KCTD3: variants seen among roughly 807,000 people sequenced by gnomAD.
The protein encoded by KCTD3 is BTB/POZ domain-containing protein KCTD3.
Under a neutral mutation model 85.8 loss-of-function variants are expected in KCTD3, and 41 were observed. The ratio of observed to expected loss-of-function variants is 0.48; its 90% CI spans 0.37 to 0.62. KCTD3 has a LOEUF of 0.62. KCTD3 is among the 20% of genes least tolerant of loss of function. The probability of loss-of-function intolerance (pLI) is 0.00; values close to 1 mark genes in which losing one functional copy is unlikely to be tolerated. For synonymous variants in KCTD3, 338 were observed against 345.4 expected (o/e 0.98, Z 0.24); for missense variants, 724 against 989.9 (o/e 0.73, Z 3.60).
chr1:215,608,498 T>G (rs1415472835), intron 14 of KCTD3, among the ~76,000 whole-genome samples: 1 of 151,956 alleles, frequency 6.6e-6, no homozygotes, highest in Non-Finnish European at 1.5e-5. Context: ...ATTTGAAATT[T>G]TTTTTGTTAA....
intron 4 of KCTD3, among the ~76,000 whole-genome samples, chr1:215,577,441 A>G (rs1659629422): frequency 6.6e-6 from 1 of 152,068 alleles, no homozygotes; most frequent in Admixed American, 6.6e-5. Context: ...ATATATATGT[A>G]TATATATGAA....
intron 1 of KCTD3, among the ~76,000 whole-genome samples, chr1:215,569,020 C>G (rs2102548239): frequency 6.6e-6 from 1 of 152,096 alleles, no homozygotes; most frequent in South Asian, 2.1e-4. Flanking sequence ...AGGAGGCCTG[C>G]AATGTGTGTT....
intron 9 of KCTD3, among the ~76,000 whole-genome samples, chr1:215,588,559 C>T (rs1477863184): frequency 2.0e-5 from 3 of 152,056 alleles, no homozygotes; most frequent in South Asian, 4.2e-4. Flanking sequence ...TTTTACCAAA[C>T]GTTGCTTTGC....
intron 15 of KCTD3, among the ~76,000 whole-genome samples, chr1:215,615,541 A>G (rs888097180): frequency 1.3e-5 from 2 of 151,468 alleles, no homozygotes; most frequent in African/African-American, 2.4e-5. Flanking sequence ...AATGGCATGA[A>G]CCCGGGAGAT....
chr1:215,568,485 G>GCCCCCCCCCCCC (rs869089767), intron 1 of KCTD3, among the ~76,000 whole-genome samples: 1 of 2,798 alleles, frequency 3.6e-4, no homozygotes, highest in African/African-American at 1.1e-3. Context: ...CTGGCCTTCC[G>GCCCCCCCCCCCC]CCCCCCCCCC....
intron 10 of KCTD3, 122 bp downstream of exon 10, chr1:215,595,593 TGTA>T (rs1660390226): frequency 5.0e-6 from 3 of 603,628 alleles, no homozygotes; most frequent in Middle Eastern, 2.9e-4. Flanking sequence ...ATTGAATAAA[TGTA>T]GTGGTAAATT....
intron 15 of KCTD3, among the ~76,000 whole-genome samples, chr1:215,613,465 T>G (rs2102603389): frequency 6.6e-6 from 1 of 152,348 alleles, no homozygotes; most frequent in South Asian, 2.1e-4. Context: ...TTTACTCTGT[T>G]GATAGTTTCT....
At chr1:215,618,780 C>T in intron 15 of KCTD3, 106 bp from the exon 16 acceptor site, 1 of 819,356 alleles carries the variant, frequency 1.2e-6, no homozygotes, top group East Asian at 2.6e-5. Context: ...AAAGTCTTTT[C>T]TAGTATAACA....
intron 3 of KCTD3, among the ~76,000 whole-genome samples, chr1:215,575,419 A>G (rs1467160022): frequency 1.3e-5 from 2 of 152,184 alleles, no homozygotes; most frequent in Non-Finnish European, 2.9e-5. Flanking sequence ...TGAGAATAGT[A>G]TTCTTTTCCA....
At chr1:215,594,808 C>T (rs1162930123) in intron 9 of KCTD3, among the ~76,000 whole-genome samples, 2 of 151,992 alleles carry the variant, frequency 1.3e-5, no homozygotes, top group African/African-American at 4.8e-5. Context: ...GTAAAAGGCC[C>T]GAATGTTTGT....
Position 215,575,957 on chromosome 1 carries a change from A to G in KCTD3, c.240A>G (p.Thr80=), listed in dbSNP as rs553561436. 3 of 1,540,162 alleles carry G rather than the reference A, an allele frequency of 1.9e-6. No homozygotes were observed. The South Asian group carries it at 3.5e-5, about 18-fold the overall frequency. The part of the protein sequence containing the change: ...AFAPILNFLR[T]KELDLRGVSI... Reference sequence around the variant, plus strand: ...CACCCATTTTAAATTTTCTTCGGACAAAAGAACTAGACTTAAGGTAAGAAA... The same window carrying G: ...CACCCATTTTAAATTTTCTTCGGACGAAAGAACTAGACTTAAGGTAAGAAA... Residue 80 remains threonine, a synonymous_variant, in exon 4 of 18, where the codon ACA becomes ACG. Transcript: ENST00000259154.
Position 215,578,087 on chromosome 1 carries a change from T to A in KCTD3, c.397+6T>A. 10 of 1,607,786 alleles carry A rather than the reference T, an allele frequency of 6.2e-6. No individual in the cohort carries two copies. Among genetic ancestry groups the A allele is most frequent in the Non-Finnish European group, 8.5e-6 (10 of 1,176,146 alleles). ...TGGTTACTTGCCCCCACCAGGTATT[T>A]TCACTTTATTAAATCTTTTAAAAAA... On this transcript the variant is annotated splice_donor_region_variant and intron_variant, in intron 6 of 17. Transcript: ENST00000259154.
Position 215,618,891 on chromosome 1 carries a change from G to C in KCTD3, c.1568G>C (p.Cys523Ser), listed in dbSNP as rs1347838342. Residue 523 changes from cysteine (C) to serine (S), a missense_variant, in exon 16 of 18, where the codon TGT becomes TCT. Cys to Ser is a moderately radical substitution (Grantham distance 112, BLOSUM62 -1). Around this residue, in one of 6 missense-constraint regions of KCTD3, gnomAD observed 136 missense variants for 197.6 expected, o/e 0.69. Transcript: ENST00000259154. The part of the protein sequence containing the change: ...VRLSSTGKRI[C>S]EIQAVDCTTI... ...TTTCTGCTTTTCTTTTGCAGAATAT[G>C]TGAGATCCAGGCTGTTGACTGTACT... is the stretch of plus-strand genomic sequence containing the variant. The C allele has an allele frequency of 6.3e-7, 1 of 1,593,264 alleles. No individual in the cohort carries two copies. Among genetic ancestry groups the C allele is most frequent in the Admixed American group, 1.9e-5 (1 of 53,162 alleles).
At chr1:215,577,773 A>T (rs565458829) in intron 5 of KCTD3, 45 bp downstream of exon 5, 1 of 1,404,952 alleles carries the variant, frequency 7.1e-7, no homozygotes, top group East Asian at 2.3e-5. Context: ...TGACTCATGT[A>T]TGAAAGTTGC....
intron 15 of KCTD3, among the ~76,000 whole-genome samples, chr1:215,614,227 T>A (rs1655347872): frequency 6.6e-6 from 1 of 151,878 alleles, no homozygotes. Flanking sequence ...GAGACGGGGT[T>A]TCACTGTGTT....
intron 9 of KCTD3, among the ~76,000 whole-genome samples, chr1:215,593,249 G>A (rs779602644): frequency 1.3e-5 from 2 of 152,192 alleles, no homozygotes; most frequent in Admixed American, 6.5e-5. Flanking sequence ...CTTTGTGTGT[G>A]TGTGTTGTAC....
At position 215,620,804 on chromosome 1, in the gene KCTD3, ATTTTT is replaced by A. The variant is rs1405740605; in HGVS notation, c.*189_*193del. On this transcript the variant is annotated 3_prime_UTR_variant, in exon 18 of 18. Coordinates refer to ENST00000259154, the MANE Select transcript of KCTD3 (RefSeq NM_016121.5). Reference sequence around the variant, plus strand: ...TCATATCTCTTTTGACATTTTGGAAATTTTTTTAATTTTACAAGTACATTTAACAG... The same window carrying A: ...TCATATCTCTTTTGACATTTTGGAAATTAATTTTACAAGTACATTTAACAG... 2.0e-6 allele frequency: 1 copy of A among 508,706 alleles called. No homozygotes were observed. Among genetic ancestry groups the A allele is most frequent in the Non-Finnish European group, 3.4e-6 (1 of 292,622 alleles). The allele number at this position is 508,706 out of a possible 1,614,324, so 31.5% of individuals were successfully genotyped here.
intron 15 of KCTD3, among the ~76,000 whole-genome samples, chr1:215,614,412 C>T (rs1397977208): frequency 2.6e-5 from 4 of 152,148 alleles, no homozygotes; most frequent in Admixed American, 2.0e-4. Context: ...CTTTGTGTAG[C>T]ATGGCCATTT....
In KCTD3 at chr1:215,601,704, T is replaced by C. The variant is rs79764223; in HGVS notation, c.934-163T>C. On this transcript the variant is annotated intron_variant, in intron 10 of 17. Transcript: ENST00000259154. ...CTCCTCTGTAGCATGTTTGTGTATATGTGTGTGCACGCGTGCACCTAAAGA... is the reference window on the plus strand; with the variant it reads ...CTCCTCTGTAGCATGTTTGTGTATACGTGTGTGCACGCGTGCACCTAAAGA... Among the ~76,000 whole-genome samples the C allele has an allele frequency of 6.0e-3, 908 of 152,352 alleles. 21 individuals carry two copies. The South Asian group carries it at 0.067, about 11-fold the overall frequency.
Sources: gnomAD v4.1 joint callset for allele counts (sites outside exome capture counted in the v4.1 genomes callset) on GRCh38, gnomAD v4.1.1 for gene constraint, gnomAD v4.1.1 regional missense constraint, MANE v1.5 for transcripts, NCBI Gene and HGNC (gene_info 2026-07-23, HGNC 2026-07-21) for gene names.